Variants in STAT3 observed in about 807,000 individuals in gnomAD.
The protein encoded by STAT3 is DNA-binding protein APRF.
STAT3 carries 7 observed loss-of-function variants against 114.3 expected under a neutral mutation model. The observed-to-expected ratio is 0.06, with a 90% confidence interval of 0.03 to 0.11. STAT3 has a LOEUF of 0.11. Among genes scored for constraint, STAT3 ranks in the 10% least tolerant of loss-of-function variants. The probability of loss-of-function intolerance (pLI) is 1.00; values close to 1 mark genes in which losing one functional copy is unlikely to be tolerated. For missense variants in STAT3, 364 were observed against 960.9 expected (o/e 0.38, Z 8.21); for synonymous variants, 331 against 354.5 (o/e 0.93, Z 0.74).
At chr17:42,339,478 T>C in intron 4 of STAT3, 69 bp from the exon 5 acceptor site, 1 of 1,495,460 alleles carries the variant, frequency 6.7e-7, no homozygotes, top group Non-Finnish European at 9.3e-7. Flanking sequence ...CTACCCAGCT[T>C]CCATCCCACC....
intron 1 of STAT3, among the ~76,000 whole-genome samples, chr17:42,349,329 A>G (rs904188574): frequency 5.9e-5 from 9 of 152,258 alleles, no homozygotes; most frequent in African/African-American, 2.2e-4. Context: ...GTATTGAGAT[A>G]TTCCTACAGC....
At chr17:42,366,868 C>T (rs900638633) in intron 1 of STAT3, among the ~76,000 whole-genome samples, 1 of 151,976 alleles carries the variant, frequency 6.6e-6, no homozygotes, top group African/African-American at 2.4e-5. Flanking sequence ...CTGGCTGGCA[C>T]GGTGGCTCAA....
Position 42,329,790 on chromosome 17 carries a change from G to C in STAT3, c.1110-14C>G, listed in dbSNP as rs768443734. ...TCCCCAGAGTCTCTGTAAGAACACAGACTGTTGTTAATAAAATAGGCTCTG... is the reference window on the plus strand; with the variant it reads ...TCCCCAGAGTCTCTGTAAGAACACACACTGTTGTTAATAAAATAGGCTCTG... On this transcript the variant is annotated splice_polypyrimidine_tract_variant and intron_variant, in intron 11 of 23. Coordinates refer to ENST00000264657, the MANE Select transcript of STAT3 (RefSeq NM_139276.3). 9.3e-6 allele frequency: 15 copies of C among 1,613,990 alleles called. No individual in the cohort carries two copies. In the East Asian group the frequency reaches 2.0e-4, roughly 22 times the overall value.
chr17:42,315,946 C>T, intron 23 of STAT3, 146 bp from the exon 24 acceptor site: 2 of 1,537,462 alleles, frequency 1.3e-6, no homozygotes, highest in Admixed American at 2.0e-5. Context: ...GTCAGAAAAG[C>T]CAGATTTACC....
chr17:42,332,227 C>T (rs1383560977), intron 10 of STAT3, among the ~76,000 whole-genome samples: 1 of 150,790 alleles, frequency 6.6e-6, no homozygotes, highest in Non-Finnish European at 1.5e-5. Flanking sequence ...GTGCCTGGCC[C>T]CTATCTCTCT....
At chr17:42,332,215 C>T (rs2082046671) in intron 10 of STAT3, among the ~76,000 whole-genome samples, 1 of 151,212 alleles carries the variant, frequency 6.6e-6, no homozygotes, top group Non-Finnish European at 1.5e-5. Context: ...GCGAGAGCCA[C>T]CGTGCCTGGC....
intron 11 of STAT3, 60 bp downstream of exon 11, chr17:42,331,412 T>C: frequency 6.9e-7 from 1 of 1,443,284 alleles, no homozygotes; most frequent in South Asian, 1.2e-5. Context: ...ATGATGTCTG[T>C]CAAAGTTCTC....
chr17:42,325,447 T>C (rs1270382178), intron 15 of STAT3, among the ~76,000 whole-genome samples: 1 of 152,186 alleles, frequency 6.6e-6, no homozygotes, highest in Admixed American at 6.5e-5. Flanking sequence ...TCTAGGTATA[T>C]CTTAATTTAA....
chr17:42,362,966 C>T (rs1284456405), intron 1 of STAT3, among the ~76,000 whole-genome samples: 4 of 152,210 alleles, frequency 2.6e-5, no homozygotes, highest in African/African-American at 4.8e-5. Flanking sequence ...AGTACTGTGA[C>T]TCCATTAACT....
rs1340247348 is a variant in STAT3, at chr17:42,337,224, C to T, written c.797+211G>A. On this transcript the variant is annotated intron_variant, in intron 8 of 23. Coordinates refer to ENST00000264657, the MANE Select transcript of STAT3 (RefSeq NM_139276.3). This position sits in a 1 kb window ranked among gnomAD's most constrained non-coding sequence, Gnocchi z 4.0. ...CTCAAACTCCTGACCTCAAGTGATC[C>T]GCCCATCTTGGTCTCCCAAAGTGCT... Among the ~76,000 whole-genome samples, 2 of 152,130 alleles carry T rather than the reference C, an allele frequency of 1.3e-5. No individual in the cohort carries two copies. Among genetic ancestry groups the T allele is most frequent in the Non-Finnish European group, 2.9e-5 (2 of 68,038 alleles).
rs2144895871 is a variant in STAT3 at position 42,339,369 on chromosome 17, G to A, written c.413C>T (p.Thr138Met). The change falls in exon 5 of 24, where the codon ACG becomes ATG. Residue 138 changes from threonine to methionine, a missense_variant. By Grantham distance (81) the Thr-to-Met change is moderately conservative (BLOSUM62 -1). Transcript: ENST00000264657. Reference sequence around the variant, plus strand: ...CTGCTCCAGCATCTGCTGCTTCTCCGTCACCACGGCTGCTGTGGGGTGGTT... The same window carrying A: ...CTGCTCCAGCATCTGCTGCTTCTCCATCACCACGGCTGCTGTGGGGTGGTT... Reference protein sequence around the residue: ...QANHPTAAVVTEKQQMLEQHL... With the variant: ...QANHPTAAVVMEKQQMLEQHL... 1 of 1,613,972 alleles carries A rather than the reference G, an allele frequency of 6.2e-7. No individual in the cohort carries two copies. Among genetic ancestry groups the A allele is most frequent in the Non-Finnish European group, 8.5e-7 (1 of 1,179,982 alleles).
At chr17:42,364,531 T>C (rs1324093310) in intron 1 of STAT3, among the ~76,000 whole-genome samples, 1 of 152,154 alleles carries the variant, frequency 6.6e-6, no homozygotes, top group Non-Finnish European at 1.5e-5. Flanking sequence ...ATGTAAGTCA[T>C]TAATATTCAT....
In STAT3 at chr17:42,314,504, C is replaced by T; in HGVS notation, c.*1241G>A. Reference sequence around the variant, plus strand: ...CGGGAGGGTGGGGCAGGAAGGAAGCCAGAATCAGAAGTATCCCAGCCCTGA... The same window carrying T: ...CGGGAGGGTGGGGCAGGAAGGAAGCTAGAATCAGAAGTATCCCAGCCCTGA... On this transcript the variant is annotated 3_prime_UTR_variant, in exon 24 of 24. Transcript: ENST00000264657. 4.3e-6 allele frequency: 1 copy of T among 232,302 alleles called. No individual in the cohort carries two copies. Among genetic ancestry groups the T allele is most frequent in the Non-Finnish European group, 8.5e-6 (1 of 117,248 alleles). The allele number at this position is 232,302 out of a possible 1,614,324, so 14.4% of individuals were successfully genotyped here.
rs1567718498 is a variant in STAT3, at chr17:42,333,962, C to G, written c.885G>C (p.Gly295=). The G allele has an allele frequency of 6.2e-7, 1 of 1,614,154 alleles. No individual in the cohort carries two copies. Among genetic ancestry groups the G allele is most frequent in the Non-Finnish European group, 8.5e-7 (1 of 1,180,042 alleles). Residue 295 remains glycine (G), a synonymous_variant, in exon 9 of 24, where the codon GGG becomes GGC. Coordinates refer to ENST00000264657, the MANE Select transcript of STAT3 (RefSeq NM_139276.3). The surrounding 1 kb of genome is among the most constrained non-coding windows in gnomAD (Gnocchi z 5.2). ...TCGGCCGGTGCTGTACAATGGGGTCCCCTTTGTAGGAAACTTTTTGCTGCA... is the reference window on the plus strand; with the variant it reads ...TCGGCCGGTGCTGTACAATGGGGTCGCCTTTGTAGGAAACTTTTTGCTGCA... ...EELQQKVSYK[G]DPIVQHRPML...
rs201525156 is a variant in STAT3 at position 42,329,492 on chromosome 17, G to A, written c.1234-35C>T. 2.2e-5 allele frequency: 36 copies of A among 1,614,192 alleles called. No individual in the cohort carries two copies. In the East Asian group the frequency reaches 6.7e-4, roughly 30 times the overall value. On this transcript the variant is annotated intron_variant, in intron 13 of 23. Coordinates refer to ENST00000264657, the MANE Select transcript of STAT3 (RefSeq NM_139276.3). ...AAGAAAAAGGCAGGTGTCCTGTGAG[G>A]CTCTCCCTAGCCCTCTCCGGCAGCC...
chr17:42,360,132 A>C (rs1027822305), intron 1 of STAT3, among the ~76,000 whole-genome samples: 1 of 150,096 alleles, frequency 6.7e-6, no homozygotes. Context: ...AAAGGCATGG[A>C]GCTGGAATCA....
At chr17:42,379,329 T>C (rs2084648043) in intron 1 of STAT3, among the ~76,000 whole-genome samples, 1 of 152,202 alleles carries the variant, frequency 6.6e-6, no homozygotes, top group Admixed American at 6.5e-5. Context: ...TGAGAGAACC[T>C]GTTTCATGGA....
intron 21 of STAT3, among the ~76,000 whole-genome samples, chr17:42,321,231 C>T (rs1209768934): frequency 6.6e-6 from 1 of 150,826 alleles, no homozygotes; most frequent in African/African-American, 2.4e-5. Flanking sequence ...GCAATCCTCC[C>T]ACCTCAGCCT....
At chr17:42,386,110 G>C (rs1055466863) in intron 1 of STAT3, among the ~76,000 whole-genome samples, 1 of 151,858 alleles carries the variant, frequency 6.6e-6, no homozygotes, top group African/African-American at 2.4e-5. Context: ...TAAAACCCCG[G>C]TCTCTACTAA....
Sources: gnomAD v4.1 joint callset for allele counts (sites outside exome capture counted in the v4.1 genomes callset) on GRCh38, gnomAD v4.1.1 for gene constraint, Gnocchi (gnomAD v3.1) non-coding constraint, MANE v1.5 for transcripts, NCBI Gene and HGNC (gene_info 2026-07-23, HGNC 2026-07-21) for gene names.